The following JAKMIP1 variants were observed in gnomAD, a reference collection of about 807,000 sequenced individuals.
JAKMIP1 encodes janus kinase and microtubule-interacting protein 1.
JAKMIP1 carries 33 observed loss-of-function variants against 113.0 expected under a neutral mutation model. That is an observed-to-expected ratio of 0.29 (90% CI 0.22 to 0.39). JAKMIP1 has a LOEUF of 0.39. JAKMIP1 is among the 10% of genes least tolerant of loss of function. JAKMIP1 has a pLI of 1.00. For synonymous variants in JAKMIP1, 480 were observed against 459.9 expected, an observed-to-expected ratio of 1.04 and a Z score of -0.56; for missense variants, 813 against 1,080.5, an observed-to-expected ratio of 0.75 and a Z score of 3.47.
intron 1 of JAKMIP1, among the ~76,000 whole-genome samples, chr4:6,170,087 ACCG>A (rs1437236731): frequency 5.9e-4 from 1 of 1,700 alleles, no homozygotes; most frequent in African/African-American, 2.4e-3. Flanking sequence ...CTCCACCACC[ACCG>A]CCACGATCCC....
chr4:6,105,331 TA>T, intron 3 of JAKMIP1, 141 bp downstream of exon 3: 1 of 716,346 alleles, frequency 1.4e-6, no homozygotes, highest in Non-Finnish European at 2.3e-6. Context: ...TTACCACACC[TA>T]AGACGGGAGG....
intron 12 of JAKMIP1, among the ~76,000 whole-genome samples, chr4:6,056,028 C>T (rs1015104161): frequency 2.0e-5 from 3 of 149,150 alleles, no homozygotes; most frequent in East Asian, 2.0e-4. Context: ...GTCGGGGCAG[C>T]CCTCCTCATT....
intron 3 of JAKMIP1, among the ~76,000 whole-genome samples, chr4:6,090,561 C>T (rs1221685539): frequency 1.3e-5 from 2 of 152,210 alleles, no homozygotes; most frequent in African/African-American, 4.8e-5. Flanking sequence ...ACAGGCCACG[C>T]AGTATGGGCT....
Position 6,067,489 on chromosome 4 carries a change from G to A in JAKMIP1, c.1303-2481C>T, listed in dbSNP as rs1301057946. On this transcript the variant is annotated intron_variant, in intron 8 of 20. Coordinates refer to ENST00000409021, the MANE Select transcript of JAKMIP1 (RefSeq NM_001099433.2). This position sits in a 1 kb window ranked among gnomAD's most constrained non-coding sequence, Gnocchi z 4.6. ...TGGATGAGAACCCCACCCGACTTCA[G>A]GCATCATGGACTCTTCCAACCAGCT... Among the ~76,000 whole-genome samples, 1 of 152,132 alleles carries A rather than the reference G, an allele frequency of 6.6e-6. No individual in the cohort carries two copies. The highest frequency in any genetic ancestry group is 1.5e-5 in the Non-Finnish European group (1 of 68,028).
chr4:6,075,187 A>G (rs1443712096), intron 8 of JAKMIP1, among the ~76,000 whole-genome samples: 2 of 46,540 alleles, frequency 4.3e-5, no homozygotes, highest in Non-Finnish European at 1.1e-4. Flanking sequence ...AAGAAAAGGA[A>G]AAAAAGTCTG....
chr4:6,078,980 G>A lies in JAKMIP1; in HGVS notation c.1261C>T (p.Arg421Cys), dbSNP rs567561103. ...DLSLERERLLRSKRHRGKSLK... is the reference protein window; with the variant it reads ...DLSLERERLLCSKRHRGKSLK... ...CTTTTCCCTCGATGCCTTTTGGAGC[G>A]CAACAGCCGTTCTCTCTCCTAGAAG... Residue 421 changes from arginine (R) to cysteine (C), a missense_variant, in exon 8 of 21, where the codon CGC becomes TGC. Arg to Cys is a radical substitution (Grantham distance 180). Around this residue, in one of 2 missense-constraint regions of JAKMIP1, gnomAD observed 540 missense variants for 653.9 expected, o/e 0.83. Coordinates refer to ENST00000409021, the MANE Select transcript of JAKMIP1 (RefSeq NM_001099433.2). 2.7e-5 allele frequency: 43 copies of A among 1,614,090 alleles called. No individual in the cohort carries two copies. The highest frequency in any genetic ancestry group is 3.2e-5 in the Non-Finnish European group (38 of 1,180,010).
chr4:6,037,643 G>T (rs1713691535), intron 18 of JAKMIP1, among the ~76,000 whole-genome samples: 1 of 147,612 alleles, frequency 6.8e-6, no homozygotes, highest in African/African-American at 2.6e-5. Context: ...CGAGGCAGAG[G>T]TTAACCCAGT....
At chr4:6,039,549 G>C (rs1196155156) in intron 18 of JAKMIP1, among the ~76,000 whole-genome samples, 1 of 152,194 alleles carries the variant, frequency 6.6e-6, no homozygotes, top group Non-Finnish European at 1.5e-5. Flanking sequence ...AAAGCACCAA[G>C]CCTGGACCAA....
At chr4:6,144,994 A>C (rs1037261405) in intron 1 of JAKMIP1, among the ~76,000 whole-genome samples, 11 of 152,254 alleles carry the variant, frequency 7.2e-5, no homozygotes, top group Non-Finnish European at 1.6e-4. Context: ...AATCTACTAA[A>C]AAAACTATTA....
rs1723938769 is a variant in JAKMIP1, at chr4:6,168,542, C to T, written c.-148+31711G>A. Among the ~76,000 whole-genome samples, 1 of 152,158 alleles carries T rather than the reference C, an allele frequency of 6.6e-6. No individual in the cohort carries two copies. The highest frequency in any genetic ancestry group is 2.4e-5 in the African/African-American group (1 of 41,436). Reference sequence around the variant, plus strand: ...ATTCCACTAAATGAAGAAAGCCAGTCACAAAATACCACAGATTGAATATTC... The same window carrying T: ...ATTCCACTAAATGAAGAAAGCCAGTTACAAAATACCACAGATTGAATATTC... On this transcript the variant is annotated intron_variant, in intron 1 of 20. Coordinates refer to ENST00000409021, the MANE Select transcript of JAKMIP1 (RefSeq NM_001099433.2). The surrounding 1 kb of genome is among the most constrained non-coding windows in gnomAD (Gnocchi z 4.6).
chr4:6,157,649 C>T lies in JAKMIP1; in HGVS notation c.-148+42604G>A, dbSNP rs909214872. ...ATCCCAGCTCAGCCATCTTCCCCAG[C>T]GTAGCCCTGGACATGCTACCTAACC... On this transcript the variant is annotated intron_variant, in intron 1 of 20. Transcript: ENST00000409021. The surrounding 1 kb of genome is among the most constrained non-coding windows in gnomAD (Gnocchi z 4.7). 1.2e-4 allele frequency among the ~76,000 whole-genome samples: 18 copies of T among 152,268 alleles called. No individual in the cohort carries two copies. The highest frequency in any genetic ancestry group is 3.9e-4 in the African/African-American group (16 of 41,558).
chr4:6,053,914 G>A, intron 13 of JAKMIP1, 136 bp downstream of exon 13: 4 of 1,532,516 alleles, frequency 2.6e-6, no homozygotes, highest in Non-Finnish European at 3.5e-6. Context: ...AAAAAAGAAA[G>A]AAAGAAAGAA....
intron 3 of JAKMIP1, 51 bp downstream of exon 3, chr4:6,105,422 G>C: frequency 6.7e-7 from 1 of 1,502,402 alleles, no homozygotes; most frequent in South Asian, 1.3e-5. Flanking sequence ...CCCCATGCGT[G>C]CAGGGAGGGA....
In JAKMIP1 at chr4:6,163,263, G is replaced by T. The variant is rs1160433941; in HGVS notation, c.-148+36990C>A. ...CCCTGTGATGAGCAAGTCTATCCGT[G>T]TCATTTTTCCAACAGCCCACCTCGT... On this transcript the variant is annotated intron_variant, in intron 1 of 20. Transcript: ENST00000409021. Among the ~76,000 whole-genome samples the T allele has an allele frequency of 2.6e-5, 4 of 152,234 alleles. No individual in the cohort carries two copies. In the East Asian group the frequency reaches 7.7e-4, roughly 29 times the overall value.
chr4:6,173,434 A>T (rs1222111783), intron 1 of JAKMIP1, among the ~76,000 whole-genome samples: 1 of 152,240 alleles, frequency 6.6e-6, no homozygotes, highest in African/African-American at 2.4e-5. Flanking sequence ...CCCCAAGAGG[A>T]TGCCAAATAT....
In JAKMIP1 at chr4:6,112,883, C is replaced by A; in HGVS notation, c.-33G>T. On this transcript the variant is annotated 5_prime_UTR_variant, in exon 2 of 21. Transcript: ENST00000409021. ...CTTGGGTCAGAGTGCTGAGATCCTG[C>A]GGTCCACACCTGTTCACGCACGCCA... 1 of 1,602,198 alleles carries A rather than the reference C, an allele frequency of 6.2e-7. No individual in the cohort carries two copies. The highest frequency in any genetic ancestry group is 8.5e-7 in the Non-Finnish European group (1 of 1,172,446).
chr4:6,183,108 T>C lies in JAKMIP1; in HGVS notation c.-148+17145A>G, dbSNP rs1726230149. On this transcript the variant is annotated intron_variant, in intron 1 of 20. Coordinates refer to ENST00000409021, the MANE Select transcript of JAKMIP1 (RefSeq NM_001099433.2). The surrounding 1 kb of genome is among the most constrained non-coding windows in gnomAD (Gnocchi z 5.3). ...AGACAGAACAAAGAGCTAAACATGA[T>C]ACAGGCAGATAACAATACCACAGAT... Among the ~76,000 whole-genome samples, 1 of 152,184 alleles carries C rather than the reference T, an allele frequency of 6.6e-6. No homozygotes were observed. The highest frequency in any genetic ancestry group is 2.4e-5 in the African/African-American group (1 of 41,438).
chr4:6,133,730 G>A (rs1718844605), intron 1 of JAKMIP1, among the ~76,000 whole-genome samples: 2 of 152,224 alleles, frequency 1.3e-5, no homozygotes, highest in African/African-American at 2.4e-5. Context: ...GTTCCCCACG[G>A]TGTCCTTGGC....
intron 3 of JAKMIP1, 33 bp downstream of exon 3, chr4:6,105,440 G>A (rs372092187): frequency 1.6e-5 from 25 of 1,546,766 alleles, no homozygotes; most frequent in Non-Finnish European, 2.1e-5. Context: ...GGAAGGCCGC[G>A]TGCCCGCGGG....
Sources: gnomAD v4.1 joint callset for allele counts (sites outside exome capture counted in the v4.1 genomes callset) on GRCh38, gnomAD v4.1.1 for gene constraint, gnomAD v4.1.1 regional missense constraint, Gnocchi (gnomAD v3.1) non-coding constraint, MANE v1.5 for transcripts, NCBI Gene and HGNC (gene_info 2026-07-23, HGNC 2026-07-21) for gene names.